ANAPC1: variants seen among roughly 807,000 people sequenced by gnomAD.
The protein encoded by ANAPC1 is anaphase-promoting complex subunit 1.
Under a neutral mutation model 208.0 loss-of-function variants are expected in ANAPC1, and 36 were observed. The ratio of observed to expected loss-of-function variants is 0.17; its 90% CI spans 0.13 to 0.23. The LOEUF (loss-of-function observed/expected upper bound fraction) is 0.23, where lower values mean the gene tolerates loss of function less well. Ranked by LOEUF, ANAPC1 falls within the 10% of genes least tolerant of loss-of-function variation. The pLI is 1.00. For synonymous variants in ANAPC1, 378 were observed against 695.2 expected, an observed-to-expected ratio of 0.54 and a Z score of 7.18; for missense variants, 942 against 2,011.6, an observed-to-expected ratio of 0.47 and a Z score of 10.17.
At chr2:111,849,553 A>C (rs1322008596) in intron 14 of ANAPC1, among the ~76,000 whole-genome samples, 1 of 152,164 alleles carries the variant, frequency 6.6e-6, no homozygotes, top group African/African-American at 2.4e-5. Flanking sequence ...AATACAAACC[A>C]CTTTTCTCCA....
intron 34 of ANAPC1, among the ~76,000 whole-genome samples, chr2:111,798,830 C>A (rs1195365935): frequency 1.3e-5 from 2 of 152,348 alleles, no homozygotes; most frequent in African/African-American, 4.8e-5. Flanking sequence ...GTCAGGAGAT[C>A]GAGACCATCT....
chr2:111,843,497 C>A lies in ANAPC1; in HGVS notation c.1955G>T (p.Ser652Ile), dbSNP rs1451520547. The change falls in exon 17 of 48, where the codon AGT (serine) becomes ATT (isoleucine). Residue 652 changes from serine (S) to isoleucine (I), a missense_variant. Coordinates refer to ENST00000341068, the MANE Select transcript of ANAPC1 (RefSeq NM_022662.4). The part of the protein sequence containing the change: ...YNVHSAPGGP[S>I]YHSEWNLFVT... ...AAATAAATTCCACTCTGAGTGATAA[C>A]TGGGTCCTCCTGGAGCACTGTGGAC... 2 of 1,611,970 alleles carry A rather than the reference C, an allele frequency of 1.2e-6. No homozygotes were observed. The highest frequency in any genetic ancestry group is 2.2e-5 in the South Asian group (2 of 90,980).
At chr2:111,825,266 A>G in intron 22 of ANAPC1, 99 bp from the exon 23 acceptor site, 1 of 1,492,406 alleles carries the variant, frequency 6.7e-7, no homozygotes, top group Non-Finnish European at 9.1e-7. Flanking sequence ...CAATTAGCAA[A>G]CAACATCTAA....
chr2:111,800,389 A>G (rs1242246591), intron 34 of ANAPC1, among the ~76,000 whole-genome samples: 1 of 134,946 alleles, frequency 7.4e-6, no homozygotes, highest in African/African-American at 2.9e-5. Flanking sequence ...GGCTTATCGA[A>G]TAAATATGAT....
rs142982687 is a variant in ANAPC1, at chr2:111,874,649, C to T, written c.376-985G>A. On this transcript the variant is annotated intron_variant, in intron 3 of 47. Transcript: ENST00000341068. ...AATATTCCACTGTTAGCATATACCA[C>T]ATTTGTTTATCCATTCATCTGTCAA... is the stretch of plus-strand genomic sequence containing the variant. Among the ~76,000 whole-genome samples, 344 of 152,310 alleles carry T rather than the reference C, an allele frequency of 2.3e-3. 1 individual carries two copies. Among genetic ancestry groups the T allele is most frequent in the African/African-American group, 8.0e-3 (332 of 41,578 alleles).
chr2:111,868,000 A>G, intron 7 of ANAPC1, 23 bp downstream of exon 7: 3 of 1,531,130 alleles, frequency 2.0e-6, no homozygotes, highest in Non-Finnish European at 2.6e-6. Context: ...AGCTTATCTA[A>G]AAGAATATAG....
chr2:111,878,716 G>C (rs1239244485), intron 3 of ANAPC1, 94 bp downstream of exon 3: 9 of 1,537,644 alleles, frequency 5.9e-6, no homozygotes, highest in Non-Finnish European at 7.0e-6. Flanking sequence ...GAGATCATTA[G>C]GCTGGTTTTA....
At chr2:111,853,410 A>G (rs553526498) in intron 13 of ANAPC1, among the ~76,000 whole-genome samples, 1 of 152,148 alleles carries the variant, frequency 6.6e-6, no homozygotes, top group African/African-American at 2.4e-5. Flanking sequence ...CATCCAGAAG[A>G]AGCAACTCTT....
chr2:111,824,008 G>C (rs1159220276), intron 24 of ANAPC1, among the ~76,000 whole-genome samples: 1 of 146,586 alleles, frequency 6.8e-6, no homozygotes, highest in African/African-American at 2.5e-5. Context: ...TTTATCCTCA[G>C]GTTAATTAAA....
intron 33 of ANAPC1, among the ~76,000 whole-genome samples, 182 bp from the exon 34 acceptor site, chr2:111,801,053 C>T (rs1185487978): frequency 6.6e-6 from 1 of 151,974 alleles, no homozygotes; most frequent in East Asian, 1.9e-4. Context: ...GTTGAAAATA[C>T]CTTAAGCTGA....
At chr2:111,810,357 T>C (rs1456672889) in intron 28 of ANAPC1, among the ~76,000 whole-genome samples, 1 of 151,996 alleles carries the variant, frequency 6.6e-6, no homozygotes, top group African/African-American at 2.4e-5. Context: ...ACAAGGTTCC[T>C]TTATGGGGTG....
rs1432397733 is a variant in ANAPC1, at chr2:111,834,620, G to T, written c.2368C>A (p.Leu790Ile). The change falls in exon 19 of 48, where the codon CTC (leucine) becomes ATC (isoleucine). Residue 790 changes from leucine (L) to isoleucine (I), a missense_variant. Physicochemically the swap from Leu to Ile is conservative, Grantham distance 5. Transcript: ENST00000341068. ...GEGICSLVEL[L>I]VQLARDLKLG... ...CAAATTTACCTTGCCAACTGAACGAGAAGTTCAACAAGTGAACAAATTCCT... is the reference window on the plus strand; with the variant it reads ...CAAATTTACCTTGCCAACTGAACGATAAGTTCAACAAGTGAACAAATTCCT... 3.8e-6 allele frequency: 6 copies of T among 1,595,558 alleles called. No homozygotes were observed. In the Admixed American group the frequency reaches 5.2e-5, roughly 14 times the overall value.
intron 46 of ANAPC1, 56 bp from the exon 47 acceptor site, chr2:111,772,531 G>C: frequency 1.4e-6 from 1 of 702,466 alleles, no homozygotes; most frequent in Non-Finnish European, 2.3e-6. Context: ...AGAGGCACAA[G>C]AAATATCTTC....
intron 21 of ANAPC1, among the ~76,000 whole-genome samples, chr2:111,829,532 G>C (rs1680017815): frequency 1.3e-5 from 2 of 152,290 alleles, no homozygotes; most frequent in East Asian, 1.9e-4. Flanking sequence ...CTCCAGGATG[G>C]GGGGACTGAG....
intron 13 of ANAPC1, among the ~76,000 whole-genome samples, chr2:111,852,215 AAAAAGTGAAG>A (rs1433064670): frequency 6.6e-6 from 1 of 150,420 alleles, no homozygotes; most frequent in African/African-American, 2.4e-5. Context: ...GAAGATTCTG[AAAAAGTGAAG>A]AAAAGAAGAC....
In ANAPC1 at chr2:111,847,670, T is replaced by C. The variant is rs561461612; in HGVS notation, c.1791+55A>G. The C allele has an allele frequency of 2.5e-4, 334 of 1,340,972 alleles. 2 individuals carry two copies. The Middle Eastern group carries it at 5.2e-3, about 21-fold the overall frequency. 83.1% of individuals were successfully genotyped at this position (1,340,972 alleles called of 1,614,324 possible). The stretch of plus-strand genomic sequence containing the variant: ...TTTTCAGACAAAATTCTGTATTCTG[T>C]CAAATTTGAAATGCCAGCCCACTTC... On this transcript the variant is annotated intron_variant, in intron 15 of 47. Transcript: ENST00000341068.
chr2:111,798,773 G>A (rs534446174), intron 34 of ANAPC1, among the ~76,000 whole-genome samples: 1 of 152,370 alleles, frequency 6.6e-6, no homozygotes, highest in East Asian at 1.9e-4. Context: ...GGTGGCTCAC[G>A]CCTGTAATCC....
At chr2:111,772,807 A>G (rs1277684951) in intron 46 of ANAPC1, among the ~76,000 whole-genome samples, 2 of 152,122 alleles carry the variant, frequency 1.3e-5, no homozygotes, top group Non-Finnish European at 1.5e-5. Flanking sequence ...ACCATATATT[A>G]TATTTGATGG....
downstream of ANAPC1, chr2:111,766,868 G>C: frequency 2.4e-6 from 1 of 419,906 alleles, no homozygotes; most frequent in Non-Finnish European, 4.8e-6. Context: ...CCCTTACCAT[G>C]AGCTGTGGAG....
Sources: gnomAD v4.1 joint callset for allele counts (sites outside exome capture counted in the v4.1 genomes callset) on GRCh38, gnomAD v4.1.1 for gene constraint, MANE v1.5 for transcripts, NCBI Gene and HGNC (gene_info 2026-07-23, HGNC 2026-07-21) for gene names.